ANKRD28: variants seen among roughly 807,000 people sequenced by gnomAD.
ANKRD28 encodes ankyrin repeat domain 28.
A neutral mutation model predicts 126.5 loss-of-function variants in ANKRD28; 44 were observed. That is an observed-to-expected ratio of 0.35 (90% confidence interval 0.27 to 0.45). ANKRD28 has a LOEUF of 0.45. ANKRD28 is among the 20% of genes least tolerant of loss of function. The pLI is 1.00. For missense variants in ANKRD28, 1,110 were observed against 1,316.6 expected (o/e 0.84, Z 2.43); for synonymous variants, 442 against 468.5 (o/e 0.94, Z 0.73).
At chr3:15,792,587 G>A (rs1438287594) in intron 2 of ANKRD28, among the ~76,000 whole-genome samples, 1 of 152,104 alleles carries the variant, frequency 6.6e-6, no homozygotes, top group Non-Finnish European at 1.5e-5. Context: ...GGGGTTGAGT[G>A]GGAGGTGGGG....
intron 1 of ANKRD28, among the ~76,000 whole-genome samples, chr3:15,849,595 C>T (rs527886677): frequency 6.6e-6 from 1 of 152,270 alleles, no homozygotes; most frequent in East Asian, 1.9e-4. Flanking sequence ...AAAAATAACC[C>T]TTACTTCCAG....
intron 1 of ANKRD28, among the ~76,000 whole-genome samples, chr3:15,841,787 A>G (rs1559590960): frequency 6.6e-6 from 1 of 152,170 alleles, no homozygotes; most frequent in Non-Finnish European, 1.5e-5. Flanking sequence ...CAAGTGCTGG[A>G]GAGGATGTGG....
chr3:15,851,810 C>T (rs563993823), intron 1 of ANKRD28, among the ~76,000 whole-genome samples: 9 of 152,204 alleles, frequency 5.9e-5, no homozygotes, highest in East Asian at 1.9e-4. Context: ...TGAAAACTTA[C>T]GTCTACATAA....
chr3:15,675,134 G>A (rs1411080838), intron 27 of ANKRD28, among the ~76,000 whole-genome samples: 4 of 152,136 alleles, frequency 2.6e-5, no homozygotes, highest in South Asian at 2.1e-4. Flanking sequence ...GCCAGGCGTC[G>A]TGGCAGGTGT....
intron 10 of ANKRD28, 85 bp from the exon 11 acceptor site, chr3:15,712,307 A>C: frequency 8.8e-7 from 1 of 1,133,686 alleles, no homozygotes; most frequent in Non-Finnish European, 1.3e-6. Context: ...AGACCACTTA[A>C]GTGAAAGATA....
chr3:15,704,589 G>A (rs924681887), intron 14 of ANKRD28, among the ~76,000 whole-genome samples: 3 of 152,062 alleles, frequency 2.0e-5, no homozygotes, highest in Non-Finnish European at 4.4e-5. Context: ...TCTTCTTTTA[G>A]AAAATATTTC....
chr3:15,690,249 AACAT>A (rs1303018117), intron 17 of ANKRD28, 29 bp from the exon 18 acceptor site: 1 of 1,518,166 alleles, frequency 6.6e-7, no homozygotes, highest in East Asian at 2.5e-5. Context: ...GTAAATTTAA[AACAT>A]ACATATTTAG....
intron 1 of ANKRD28, among the ~76,000 whole-genome samples, chr3:15,821,474 A>G (rs2060940151): frequency 6.6e-6 from 1 of 152,212 alleles, no homozygotes; most frequent in African/African-American, 2.4e-5. Context: ...AATGAACATT[A>G]TATCTACTTA....
At chr3:15,694,876 CCA>C in intron 16 of ANKRD28, 63 bp from the exon 17 acceptor site, 1 of 1,476,474 alleles carries the variant, frequency 6.8e-7, no homozygotes, top group East Asian at 2.3e-5. Context: ...TCTCTCCCAC[CCA>C]CCCAGTTCAA....
chr3:15,719,285 G>T (rs933590963), intron 8 of ANKRD28, among the ~76,000 whole-genome samples: 6 of 152,104 alleles, frequency 3.9e-5, no homozygotes, highest in Non-Finnish European at 7.4e-5. Context: ...ACTGAAGTTA[G>T]GTGAGAAAAT....
chr3:15,753,361 T>C (rs975373275), intron 3 of ANKRD28, among the ~76,000 whole-genome samples: 3 of 152,380 alleles, frequency 2.0e-5, no homozygotes, highest in Non-Finnish European at 4.4e-5. Flanking sequence ...AGCTGGAAGC[T>C]GGAACCCTAC....
At chr3:15,681,373 T>TA (rs1242033019) in intron 21 of ANKRD28, among the ~76,000 whole-genome samples, 2 of 152,222 alleles carry the variant, frequency 1.3e-5, no homozygotes, top group African/African-American at 2.4e-5. Flanking sequence ...TGTTCATCAA[T>TA]ATCTGGTCCA....
intron 14 of ANKRD28, among the ~76,000 whole-genome samples, chr3:15,704,910 G>T (rs1474736904): frequency 2.0e-5 from 3 of 152,090 alleles, no homozygotes; most frequent in Admixed American, 6.5e-5. Flanking sequence ...ATAAAGATAG[G>T]AAACAGAGGC....
chr3:15,670,129 A>T lies in ANKRD28; in HGVS notation c.*141T>A. 2.2e-6 allele frequency: 2 copies of T among 919,866 alleles called. No individual in the cohort carries two copies. Among genetic ancestry groups the T allele is most frequent in the Non-Finnish European group, 3.2e-6 (2 of 624,918 alleles). 57.0% of individuals were successfully genotyped at this position (919,866 alleles called of 1,614,324 possible). A position where few individuals can be genotyped will look rare whatever the true frequency, so the allele number is the denominator to read the frequency against. ...ACTTGCCTTTAAAACTCTTCCTCCT[A>T]ATGCCATCAGATCTCTTAACATTGG... On this transcript the variant is annotated 3_prime_UTR_variant, in exon 28 of 28. Transcript: ENST00000683139.
intron 2 of ANKRD28, among the ~76,000 whole-genome samples, chr3:15,791,577 C>A (rs1327430833): frequency 1.3e-5 from 2 of 152,192 alleles, no homozygotes; most frequent in East Asian, 1.9e-4. Context: ...AATCATGAAA[C>A]CAGACCCCTA....
chr3:15,694,534 A>C (rs1169991112), intron 17 of ANKRD28, among the ~76,000 whole-genome samples: 1 of 149,438 alleles, frequency 6.7e-6, no homozygotes, highest in African/African-American at 2.5e-5. Flanking sequence ...TTTTTTTTCT[A>C]AAGCAAGAAA....
In ANKRD28 at chr3:15,830,573, A is replaced by T. The variant is rs1300708395; in HGVS notation, c.27+28804T>A. ...AACAGTTTCATCTCAAAACCATCCC[A>T]CCCCCCACCGCACCCCCATCCACGG... On this transcript the variant is annotated intron_variant, in intron 1 of 27. Transcript: ENST00000399451. The surrounding 1 kb of genome is among the most constrained non-coding windows in gnomAD (Gnocchi z 4.5). Among the ~76,000 whole-genome samples the T allele has an allele frequency of 1.4e-5, 2 of 147,088 alleles. No homozygotes were observed. The highest frequency in any genetic ancestry group is 3.0e-5 in the Non-Finnish European group (2 of 66,436).
intron 23 of ANKRD28, 103 bp from the exon 24 acceptor site, chr3:15,678,457 T>A (rs1298478913): frequency 9.0e-7 from 1 of 1,111,156 alleles, no homozygotes. Context: ...GGTTTACATA[T>A]TAGGCTACAA....
intron 13 of ANKRD28, among the ~76,000 whole-genome samples, chr3:15,708,296 C>T (rs2071741503): frequency 6.6e-6 from 1 of 152,270 alleles, no homozygotes; most frequent in East Asian, 1.9e-4. Flanking sequence ...ATTTCATCGC[C>T]TCCAGGCAGT....
Sources: gnomAD v4.1 joint callset for allele counts (sites outside exome capture counted in the v4.1 genomes callset) on GRCh38, gnomAD v4.1.1 for gene constraint, Gnocchi (gnomAD v3.1) non-coding constraint, MANE v1.5 for transcripts, NCBI Gene and HGNC (gene_info 2026-07-23, HGNC 2026-07-21) for gene names.